Variants in KPNA1 observed in about 807,000 individuals in gnomAD.
The protein encoded by KPNA1 is karyopherin subunit alpha 1, also known as importin subunit alpha-5.
In KPNA1, 10 loss-of-function variants were observed where a neutral mutation model predicts 70.5. The observed-to-expected ratio is 0.14, with a 90% CI of 0.09 to 0.24. The LOEUF (loss-of-function observed/expected upper bound fraction) is 0.24. KPNA1 is among the 10% of genes least tolerant of loss of function. The pLI is 1.00. For missense variants in KPNA1, 397 were observed against 637.9 expected (o/e 0.62, Z 4.07); for synonymous variants, 192 against 221.9 (o/e 0.87, Z 1.20).
At chr3:122,510,664 TAGACGAAAGCCAATA>T (rs2076945348) in intron 1 of KPNA1, among the ~76,000 whole-genome samples, 1 of 152,160 alleles carries the variant, frequency 6.6e-6, no homozygotes, top group Non-Finnish European at 1.5e-5. Context: ...ACATCTTGCT[TAGACGAAAGCCAATA>T]ATATCTATAA....
At chr3:122,487,126 A>G (rs559434553) in intron 2 of KPNA1, among the ~76,000 whole-genome samples, 1 of 152,338 alleles carries the variant, frequency 6.6e-6, no homozygotes, top group African/African-American at 2.4e-5. Flanking sequence ...TGAGGTAAAA[A>G]GCTGTCGGGC....
At chr3:122,467,006 CATAAATAAATAAATAAATAAATAA>C (rs71136571) in intron 3 of KPNA1, among the ~76,000 whole-genome samples, 11 of 141,956 alleles carry the variant, frequency 7.7e-5, no homozygotes, top group South Asian at 2.3e-4. Flanking sequence ...GTCTCTAAAA[CATAAATAAATAAATAAATAAATAA>C]ATAAATAAAT....
intron 12 of KPNA1, among the ~76,000 whole-genome samples, chr3:122,431,534 T>C (rs192449772): frequency 2.2e-3 from 330 of 152,256 alleles, no homozygotes; most frequent in Non-Finnish European, 4.0e-3. Flanking sequence ...AGAAGCCAGA[T>C]AGATGTCTTT....
At chr3:122,455,852 G>A (rs921222403) in intron 5 of KPNA1, among the ~76,000 whole-genome samples, 2 of 152,086 alleles carry the variant, frequency 1.3e-5, no homozygotes, top group African/African-American at 2.4e-5. Context: ...CACCGCACCC[G>A]GCCACTTTAT....
intron 5 of KPNA1, chr3:122,460,686 C>T: frequency 2.2e-6 from 2 of 895,556 alleles, no homozygotes; most frequent in Non-Finnish European, 2.7e-6. Flanking sequence ...CCAGAGATTA[C>T]AAAATTTCCT....
At chr3:122,457,748 A>G (rs920619465) in intron 5 of KPNA1, 1 of 1,289,236 alleles carries the variant, frequency 7.8e-7, no homozygotes, top group Non-Finnish European at 1.0e-6. Context: ...TTCCCACTCC[A>G]GGTTGAGGTA....
At position 122,442,077 on chromosome 3, in the gene KPNA1, A is replaced by G; in HGVS notation, c.957T>C (p.Ala319=). The G allele has an allele frequency of 6.2e-7, 1 of 1,613,846 alleles. No homozygotes were observed. The highest frequency in any genetic ancestry group is 8.5e-7 in the Non-Finnish European group (1 of 1,179,712). The stretch of plus-strand genomic sequence containing the variant: ...CATCCCCTGTGACAATGTTTCCCAC[A>G]GCTCGCAAAGCAGGAGAAACCACTT... ...DYKVVSPALR[A]VGNIVTGDDI... Residue 319 remains alanine, a synonymous_variant, in exon 10 of 14, where the codon GCT becomes GCC. Coordinates refer to ENST00000344337, the MANE Select transcript of KPNA1 (RefSeq NM_002264.4).
intron 1 of KPNA1, among the ~76,000 whole-genome samples, chr3:122,502,112 G>C (rs1433663193): frequency 1.3e-5 from 2 of 151,992 alleles, no homozygotes; most frequent in Non-Finnish European, 2.9e-5. Flanking sequence ...AACCTTTATG[G>C]CAAAAAATAT....
At chr3:122,471,302 A>C (rs2076439584) in intron 2 of KPNA1, among the ~76,000 whole-genome samples, 1 of 152,194 alleles carries the variant, frequency 6.6e-6, no homozygotes, top group Non-Finnish European at 1.5e-5. Flanking sequence ...AGTATGTCCC[A>C]AAATGCAAAC....
chr3:122,436,244 A>C (rs1042020879), intron 11 of KPNA1, among the ~76,000 whole-genome samples: 2 of 152,188 alleles, frequency 1.3e-5, no homozygotes, highest in Non-Finnish European at 2.9e-5. Flanking sequence ...TCTGTTCTCA[A>C]ACCCTGTCTC....
At chr3:122,481,577 A>C (rs1321628367) in intron 2 of KPNA1, among the ~76,000 whole-genome samples, 3 of 152,210 alleles carry the variant, frequency 2.0e-5, no homozygotes, top group Admixed American at 2.0e-4. Context: ...TTAGCGGGTG[A>C]CTAAAATGTT....
At chr3:122,480,508 T>G (rs987087210) in intron 2 of KPNA1, among the ~76,000 whole-genome samples, 2 of 151,988 alleles carry the variant, frequency 1.3e-5, no homozygotes, top group African/African-American at 2.4e-5. Flanking sequence ...ACATACAAAC[T>G]GAATGAATTC....
intron 2 of KPNA1, among the ~76,000 whole-genome samples, chr3:122,492,826 C>A (rs986624521): frequency 1.3e-5 from 2 of 152,160 alleles, no homozygotes; most frequent in African/African-American, 4.8e-5. Flanking sequence ...TTATTCTTTA[C>A]GGCAATGGTC....
rs192960150 is a variant in KPNA1, at chr3:122,502,660, G to T, written c.-5-6090C>A. On this transcript the variant is annotated intron_variant, in intron 1 of 13. Transcript: ENST00000344337. ...AGAAACTTTATCAGACTAAAAGGTG[G>T]GTGTAATACGGATGAGAACTTGTGA... 1.2e-4 allele frequency among the ~76,000 whole-genome samples: 19 copies of T among 152,246 alleles called. No individual in the cohort carries two copies. The East Asian group carries it at 3.7e-3, about 29-fold the overall frequency.
At chr3:122,457,807 T>C in intron 5 of KPNA1, 1 of 1,289,846 alleles carries the variant, frequency 7.8e-7, no homozygotes, top group African/African-American at 1.5e-5. Flanking sequence ...TGCTGGCCAC[T>C]TTGCCGGTTC....
At chr3:122,502,695 A>C (rs560411597) in intron 1 of KPNA1, among the ~76,000 whole-genome samples, 2 of 152,344 alleles carry the variant, frequency 1.3e-5, no homozygotes, top group South Asian at 4.1e-4. Flanking sequence ...AATAATTCCA[A>C]GGGAATCATA....
chr3:122,446,390 A>G (rs975783822), intron 9 of KPNA1, among the ~76,000 whole-genome samples: 1 of 152,250 alleles, frequency 6.6e-6, no homozygotes, highest in Admixed American at 6.5e-5. Flanking sequence ...GCACAACTAC[A>G]TGGAAACTGA....
At chr3:122,488,320 A>G (rs1008298866) in intron 2 of KPNA1, among the ~76,000 whole-genome samples, 4 of 152,306 alleles carry the variant, frequency 2.6e-5, no homozygotes, top group African/African-American at 9.6e-5. Context: ...CAGGAGTTTG[A>G]GACCAGCCTG....
At chr3:122,464,110 G>C (rs2076355279) in intron 3 of KPNA1, 69 bp from the exon 4 acceptor site, 1 of 775,918 alleles carries the variant, frequency 1.3e-6, no homozygotes, top group Non-Finnish European at 2.0e-6. Context: ...AAAGATAACA[G>C]ATATCATGGC....
Sources: allele counts gnomAD v4.1 joint callset (sites outside exome capture counted in the v4.1 genomes callset), GRCh38; gene constraint gnomAD v4.1.1; transcripts MANE v1.5; gene names NCBI Gene and HGNC (gene_info 2026-07-23, HGNC 2026-07-21).